The following TRAPPC8 variants were observed in gnomAD, a reference collection of about 807,000 sequenced individuals.
TRAPPC8 encodes the protein general sporulation gene 1 homolog.
A neutral mutation model predicts 174.3 loss-of-function variants in TRAPPC8; 54 were observed. The observed-to-expected ratio is 0.31, with a 90% confidence interval of 0.25 to 0.39. The LOEUF (loss-of-function observed/expected upper bound fraction) is 0.39. TRAPPC8 is among the 10% of genes least tolerant of loss of function. The pLI, the probability that TRAPPC8 is intolerant of heterozygous loss-of-function variation, is 1.00. For synonymous variants in TRAPPC8, 630 were observed against 579.9 expected (o/e 1.09, Z -1.24); for missense variants, 1,531 against 1,699.1 (o/e 0.90, Z 1.74).
At chr18:31,895,053 A>G (rs2036126961) in intron 11 of TRAPPC8, among the ~76,000 whole-genome samples, 1 of 152,330 alleles carries the variant, frequency 6.6e-6, no homozygotes, top group South Asian at 2.1e-4. Context: ...AACAAAAAAT[A>G]TGATTCACTT....
chr18:31,860,443 C>T (rs2034268909), intron 19 of TRAPPC8, among the ~76,000 whole-genome samples: 1 of 152,120 alleles, frequency 6.6e-6, no homozygotes, highest in African/African-American at 2.4e-5. Flanking sequence ...ATGCTATACA[C>T]ATAGTAGTAT....
In TRAPPC8 at chr18:31,830,583, A is replaced by G. The variant is rs1372387351; in HGVS notation, c.*172T>C. On this transcript the variant is annotated 3_prime_UTR_variant, in exon 29 of 29. Transcript: ENST00000283351. ...AAAGAAATACAGAAAAAGAATGTTA[A>G]GTATTCTCAGTCCAACGTGCTTTGC... The G allele has an allele frequency of 5.1e-6, 3 of 587,360 alleles. No homozygotes were observed. The East Asian group carries it at 8.5e-5, about 17-fold the overall frequency. The allele number at this position is 587,360 out of a possible 1,614,324, so 36.4% of individuals were successfully genotyped here. A position where few individuals can be genotyped will look rare whatever the true frequency, so the allele number is the denominator to read the frequency against.
chr18:31,854,764 C>T (rs55706254), intron 21 of TRAPPC8, among the ~76,000 whole-genome samples: 38,049 of 151,250 alleles, frequency 0.25, 5,331 homozygotes, highest in South Asian at 0.52. Flanking sequence ...GTCAGGAGAT[C>T]GAGACCATCC....
chr18:31,873,585 T>A lies in TRAPPC8; in HGVS notation c.1954-47A>T, dbSNP rs1339236223. 3 of 1,365,924 alleles carry A rather than the reference T, an allele frequency of 2.2e-6. No homozygotes were observed. In the Admixed American group the frequency reaches 6.2e-5, roughly 28 times the overall value. The allele number at this position is 1,365,924 out of a possible 1,614,324, so 84.6% of individuals were successfully genotyped here. A position where few individuals can be genotyped will look rare whatever the true frequency, so the allele number is the denominator to read the frequency against. On this transcript the variant is annotated intron_variant, in intron 13 of 28. Transcript: ENST00000283351. ...AAAAAAGTAGTTTTTGTGAAAATGG[T>A]ATTTTTATTTGTTTCCTCGTTTCTT...
intron 18 of TRAPPC8, among the ~76,000 whole-genome samples, chr18:31,865,648 TAAAAC>T (rs1229966459): frequency 2.0e-5 from 3 of 151,836 alleles, no homozygotes; most frequent in Non-Finnish European, 4.4e-5. Flanking sequence ...GTGCCTTAAA[TAAAAC>T]AACTACCTAT....
intron 16 of TRAPPC8, among the ~76,000 whole-genome samples, chr18:31,869,393 G>C (rs1263873688): frequency 1.3e-5 from 2 of 152,162 alleles, no homozygotes; most frequent in African/African-American, 4.8e-5. Context: ...AGTTAATACT[G>C]CTTACTGTCA....
chr18:31,833,589 C>A (rs1043113382), intron 27 of TRAPPC8, among the ~76,000 whole-genome samples: 2 of 152,186 alleles, frequency 1.3e-5, no homozygotes, highest in Non-Finnish European at 1.5e-5. Context: ...GCAATCTATT[C>A]TTTAACCATG....
rs1188057936 is a variant in TRAPPC8, at chr18:31,942,920, C to T, written c.-156G>A. ...TAGAAACAAGAAGGAACAGACGCCG[C>T]CGCTTCGGTTTCTGGGGCACAATCC... On this transcript the variant is annotated 5_prime_UTR_variant, in exon 1 of 29. Transcript: ENST00000283351. The T allele has an allele frequency of 1.6e-6, 2 of 1,236,136 alleles. No individual in the cohort carries two copies. Among genetic ancestry groups the T allele is most frequent in the African/African-American group, 1.6e-5 (1 of 64,466 alleles). 76.6% of individuals were successfully genotyped at this position (1,236,136 alleles called of 1,614,324 possible).
chr18:31,831,178 C>T (rs773340517), intron 28 of TRAPPC8, among the ~76,000 whole-genome samples, 189 bp from the exon 29 acceptor site: 1 of 152,008 alleles, frequency 6.6e-6, no homozygotes, highest in Non-Finnish European at 1.5e-5. Context: ...ATAATGAAGC[C>T]CCGTCTCTAC....
At chr18:31,905,907 T>A (rs2036635514) in intron 9 of TRAPPC8, among the ~76,000 whole-genome samples, 1 of 152,200 alleles carries the variant, frequency 6.6e-6, no homozygotes, top group Non-Finnish European at 1.5e-5. Context: ...TACAAATGCA[T>A]ACCTAGGTTA....
Position 31,846,790 on chromosome 18 carries a change from G to C in TRAPPC8, c.3763C>G (p.Leu1255Val). 1 of 1,612,450 alleles carries C rather than the reference G, an allele frequency of 6.2e-7. No individual in the cohort carries two copies. Among genetic ancestry groups the C allele is most frequent in the East Asian group, 2.2e-5 (1 of 44,878 alleles). ...KAYVVEDSKQ[L>V]ILEGQHHVIL... ...ACATGATGTTGACCTTCCAAAATAA[G>C]CTGTTTACTGTCTTCCACAACGTAT... is the stretch of plus-strand genomic sequence containing the variant. Residue 1255 changes from leucine to valine, a missense_variant, in exon 26 of 29, where the codon CTT (leucine) becomes GTT (valine). Coordinates refer to ENST00000283351, the MANE Select transcript of TRAPPC8 (RefSeq NM_014939.5).
chr18:31,941,181 G>A (rs2038322609), intron 1 of TRAPPC8, among the ~76,000 whole-genome samples: 1 of 152,196 alleles, frequency 6.6e-6, no homozygotes, highest in Non-Finnish European at 1.5e-5. Flanking sequence ...GGTGGCTCAC[G>A]CCCATAATCC....
chr18:31,913,000 T>C (rs140882524), intron 5 of TRAPPC8, among the ~76,000 whole-genome samples: 1,900 of 152,022 alleles, frequency 0.012, 36 homozygotes, highest in African/African-American at 0.043. Flanking sequence ...TGGTGGCATG[T>C]GCCTGTAATC....
intron 27 of TRAPPC8, among the ~76,000 whole-genome samples, chr18:31,833,995 C>A (rs1373113566): frequency 4.3e-5 from 5 of 115,120 alleles, no homozygotes; most frequent in Non-Finnish European, 7.2e-5. Flanking sequence ...GAGCAAGACT[C>A]CGTCTCAAAA....
chr18:31,931,594 T>A lies in TRAPPC8; in HGVS notation c.158-71A>T, dbSNP rs960412512. On this transcript the variant is annotated intron_variant, in intron 1 of 28. Transcript: ENST00000283351. ...GCATAATAACCCAAAATTGGGCTGATGGTTTACAAACAAAAAGGATGTACA... is the reference window on the plus strand; with the variant it reads ...GCATAATAACCCAAAATTGGGCTGAAGGTTTACAAACAAAAAGGATGTACA... 1.1e-5 allele frequency: 13 copies of A among 1,216,780 alleles called. No homozygotes were observed. The African/African-American group carries it at 1.7e-4, about 16-fold the overall frequency. The allele number at this position is 1,216,780 out of a possible 1,614,324, so 75.4% of individuals were successfully genotyped here.
intron 20 of TRAPPC8, 100 bp from the exon 21 acceptor site, chr18:31,855,907 G>A: frequency 7.7e-7 from 1 of 1,290,782 alleles, no homozygotes. Context: ...ATCACTCTCA[G>A]GACCATTTAT....
At chr18:31,856,458 TC>T (rs2034018789) in intron 20 of TRAPPC8, among the ~76,000 whole-genome samples, 3 of 90,790 alleles carry the variant, frequency 3.3e-5, no homozygotes, top group African/African-American at 1.3e-4. Flanking sequence ...CCTTAAGTGA[TC>T]TTAAGTGAGG....
chr18:31,933,816 A>G (rs188518175), intron 1 of TRAPPC8, among the ~76,000 whole-genome samples: 1 of 151,120 alleles, frequency 6.6e-6, no homozygotes, highest in African/African-American at 2.4e-5. Flanking sequence ...AAAAAAAAAG[A>G]CTCAAAAACG....
At chr18:31,902,004 A>G (rs182262011) in intron 9 of TRAPPC8, among the ~76,000 whole-genome samples, 1 of 152,272 alleles carries the variant, frequency 6.6e-6, no homozygotes, top group Non-Finnish European at 1.5e-5. Flanking sequence ...TTTGACAGTT[A>G]TCTTTTCCCA....
Sources: allele counts gnomAD v4.1 joint callset (sites outside exome capture counted in the v4.1 genomes callset), GRCh38; gene constraint gnomAD v4.1.1; transcripts MANE v1.5; gene names NCBI Gene and HGNC (gene_info 2026-07-23, HGNC 2026-07-21).